Variants in KAT14 observed in about 807,000 individuals in gnomAD.
KAT14 encodes cysteine-rich protein 2-binding protein.
Under a neutral mutation model 78.4 loss-of-function variants are expected in KAT14, and 66 were observed. The ratio of observed to expected loss-of-function variants is 0.84; its 90% CI spans 0.69 to 1.03. The LOEUF (loss-of-function observed/expected upper bound fraction) is 1.03, where lower values mean the gene tolerates loss of function less well. KAT14 is among the 50% of genes least tolerant of loss of function. KAT14 has a pLI of 0.00. For missense variants in KAT14, 870 were observed against 972.5 expected (o/e 0.89, Z 1.40); for synonymous variants, 344 against 359.4 (o/e 0.96, Z 0.48).
chr20:18,164,611 C>CTTTTTTTT lies in KAT14; in HGVS notation c.1668+1668_1668+1669insTTTTTTTT, dbSNP rs1568669495. Among the ~76,000 whole-genome samples, 6 of 42,492 alleles carry CTTTTTTTT rather than the reference C, an allele frequency of 1.4e-4. 3 individuals are homozygous for CTTTTTTTT. The highest frequency in any genetic ancestry group is 1.3e-4 in the African/African-American group (2 of 14,986). 27.9% of individuals were successfully genotyped at this position (42,492 alleles called of 152,430 possible). On this transcript the variant is annotated intron_variant, in intron 7 of 10. Transcript: ENST00000688188. ...TTTGTTAGTCATCTATTCACTTGTT[C>CTTTTTTTT]TTGTTCTTTTTTTTTTTTTTTTTGA...
chr20:18,158,439 G>A (rs369197322), intron 4 of KAT14, among the ~76,000 whole-genome samples: 3 of 152,334 alleles, frequency 2.0e-5, no homozygotes, highest in African/African-American at 7.2e-5. Context: ...GGTGGAAATA[G>A]AACAGTCGCC....
At chr20:18,165,981 G>A (rs969678938) in intron 7 of KAT14, among the ~76,000 whole-genome samples, 6 of 152,186 alleles carry the variant, frequency 3.9e-5, no homozygotes, top group South Asian at 2.1e-4. Context: ...TCTGGGCCAC[G>A]ACGCCATAGG....
Position 18,187,455 on chromosome 20 carries a change from G to T in KAT14, c.2342G>T (p.Arg781Leu), listed in dbSNP as rs376874386. ...CACGCATTCTTTCTGAGGCTCCGGC[G>T]CTGATGCGAATACAGCTCACAGAGA... ...CKHAFFLRLR[R>L] is the part of the protein sequence containing the mutation. The change falls in exon 11 of 11, where the codon CGC becomes CTC. Residue 781 changes from arginine to leucine, a missense_variant. Transcript: ENST00000688188. 21 of 1,613,948 alleles carry T rather than the reference G, an allele frequency of 1.3e-5. No individual in the cohort carries two copies. The highest frequency in any genetic ancestry group is 1.6e-5 in the Non-Finnish European group (19 of 1,179,958).
chr20:18,149,315 A>AT (rs372826773), intron 3 of KAT14, among the ~76,000 whole-genome samples: 5 of 152,186 alleles, frequency 3.3e-5, no homozygotes, highest in Admixed American at 2.0e-4. Context: ...CACCTCCAGA[A>AT]TTTTTTTATC....
chr20:18,182,772 A>G (rs2039306456), intron 8 of KAT14, among the ~76,000 whole-genome samples: 1 of 152,104 alleles, frequency 6.6e-6, no homozygotes, highest in Non-Finnish European at 1.5e-5. Context: ...TGTTCCCCAA[A>G]TGCCCCGCAA....
chr20:18,153,689 T>C (rs1458530575), intron 4 of KAT14, among the ~76,000 whole-genome samples: 1 of 152,250 alleles, frequency 6.6e-6, no homozygotes, highest in African/African-American at 2.4e-5. Context: ...TTAATTACTC[T>C]CCAGTTTCTG....
Position 18,181,705 on chromosome 20 carries a change from C to CAT in KAT14, c.1669-3_1669-2dup. ...TTCTATATAACCAGTGTTTCTTTCT[C>CAT]ATAGACTTCCTTGCCGTCCAGGAAG... is the stretch of plus-strand genomic sequence containing the variant. On this transcript the variant is annotated splice_polypyrimidine_tract_variant and splice_region_variant and intron_variant, in intron 7 of 10. Coordinates refer to ENST00000688188, the MANE Select transcript of KAT14 (RefSeq NM_001392073.1). 1 of 1,614,096 alleles carries CAT rather than the reference C, an allele frequency of 6.2e-7. No homozygotes were observed. Among genetic ancestry groups the CAT allele is most frequent in the Middle Eastern group, 1.7e-4 (1 of 6,060 alleles).
chr20:18,184,875 C>A, intron 10 of KAT14, 83 bp downstream of exon 10: 1 of 1,431,180 alleles, frequency 7.0e-7, no homozygotes, highest in Non-Finnish European at 9.3e-7. Context: ...TGAGCTAGCC[C>A]TTCCCAGCAT....
chr20:18,184,451 G>A (rs1039166976), intron 9 of KAT14, 151 bp from the exon 10 acceptor site: 2 of 682,974 alleles, frequency 2.9e-6, no homozygotes, highest in South Asian at 2.3e-5. Flanking sequence ...TTATGATCTG[G>A]TTGTGTGGTC....
intron 7 of KAT14, among the ~76,000 whole-genome samples, chr20:18,172,391 C>G (rs1475596678): frequency 2.7e-5 from 4 of 149,626 alleles, no homozygotes; most frequent in African/African-American, 4.9e-5. Flanking sequence ...TGAGCCACTA[C>G]GCCTGGCCAC....
chr20:18,178,677 ACAC>A (rs2039135462), intron 7 of KAT14, among the ~76,000 whole-genome samples: 1 of 152,184 alleles, frequency 6.6e-6, no homozygotes, highest in African/African-American at 2.4e-5. Context: ...GGTCTCTCCC[ACAC>A]CATGTGGGAA....
At chr20:18,165,085 TAA>T (rs1286166800) in intron 7 of KAT14, among the ~76,000 whole-genome samples, 2 of 152,232 alleles carry the variant, frequency 1.3e-5, no homozygotes, top group African/African-American at 4.8e-5. Flanking sequence ...ATCTCCTGGA[TAA>T]AGAGTGTTGT....
chr20:18,145,613 T>C (rs1260607493), intron 3 of KAT14, among the ~76,000 whole-genome samples: 1 of 152,142 alleles, frequency 6.6e-6, no homozygotes, highest in Non-Finnish European at 1.5e-5. Context: ...AAACCCCATT[T>C]CCATTGAAAA....
chr20:18,138,103 G>A (rs2037364819), intron 1 of KAT14, 52 bp downstream of exon 1: 2 of 1,426,636 alleles, frequency 1.4e-6, no homozygotes, highest in Non-Finnish European at 1.8e-6. Flanking sequence ...GCGTCGACCT[G>A]GGGCCTCTCG....
In KAT14 at chr20:18,150,859, A is replaced by C. The variant is rs1424200123; in HGVS notation, c.417A>C (p.Gly139=). 1 of 1,614,148 alleles carries C rather than the reference A, an allele frequency of 6.2e-7. No homozygotes were observed. The highest frequency in any genetic ancestry group is 8.5e-7 in the Non-Finnish European group (1 of 1,180,032). Residue 139 remains glycine (G), a synonymous_variant, in exon 4 of 11, where the codon GGA becomes GGC. Transcript: ENST00000688188. ...CAATGTACAACTTGTCTCTGGAAGGAAGTGGACGTCAAGGTTATTTCAGGT... is the reference window on the plus strand; with the variant it reads ...CAATGTACAACTTGTCTCTGGAAGGCAGTGGACGTCAAGGTTATTTCAGGT... ...MLAMYNLSLE[G]SGRQGYFRWK...
At chr20:18,157,849 TAGAG>T (rs540050459) in intron 4 of KAT14, among the ~76,000 whole-genome samples, 78 of 152,198 alleles carry the variant, frequency 5.1e-4, no homozygotes, top group Non-Finnish European at 1.1e-3. Context: ...TTGTATTTAT[TAGAG>T]AGGATTTGGA....
chr20:18,156,367 A>G (rs1358321817), intron 4 of KAT14, among the ~76,000 whole-genome samples: 1 of 152,236 alleles, frequency 6.6e-6, no homozygotes, highest in East Asian at 1.9e-4. Flanking sequence ...TATACTGTTA[A>G]AAATTGTTCA....
rs1366503577 is a variant in KAT14, at chr20:18,138,350, C to T, written c.-454+299C>T. On this transcript the variant is annotated intron_variant, in intron 1 of 10. Coordinates refer to ENST00000688188, the MANE Select transcript of KAT14 (RefSeq NM_001392073.1). Reference sequence around the variant, plus strand: ...GCTCCGCACAGGCACGGCACGCAAGCTTTTGGGGTGCCCAGTGGCTCTGTT... The same window carrying T: ...GCTCCGCACAGGCACGGCACGCAAGTTTTTGGGGTGCCCAGTGGCTCTGTT... 1.0e-5 allele frequency: 11 copies of T among 1,094,264 alleles called. No homozygotes were observed. The South Asian group carries it at 4.4e-4, about 44-fold the overall frequency. 67.8% of individuals were successfully genotyped at this position (1,094,264 alleles called of 1,614,324 possible). A position where few individuals can be genotyped will look rare whatever the true frequency, so the allele number is the denominator to read the frequency against.
intron 4 of KAT14, among the ~76,000 whole-genome samples, chr20:18,152,621 T>C (rs1335668094): frequency 6.6e-6 from 1 of 152,142 alleles, no homozygotes. Context: ...AACAGAGCAG[T>C]GCCTTCTAGG....
Sources: gnomAD v4.1 joint callset for allele counts (sites outside exome capture counted in the v4.1 genomes callset) on GRCh38, gnomAD v4.1.1 for gene constraint, MANE v1.5 for transcripts, NCBI Gene and HGNC (gene_info 2026-07-23, HGNC 2026-07-21) for gene names.